VGLL3: variants seen among roughly 807,000 people sequenced by gnomAD.
VGLL3 encodes vestigial like family member 3.
VGLL3 carries 18 observed loss-of-function variants against 29.2 expected under a neutral mutation model. The ratio of observed to expected loss-of-function variants is 0.62; its 90% CI spans 0.43 to 0.91. The LOEUF (loss-of-function observed/expected upper bound fraction) is 0.91, where lower values mean the gene tolerates loss of function less well. Among genes scored for constraint, VGLL3 ranks in the 40% least tolerant of loss-of-function variants. The pLI is 0.00. For missense variants in VGLL3, 440 were observed against 413.2 expected (o/e 1.06, Z -0.56); for synonymous variants, 180 against 151.8 (o/e 1.19, Z -1.36).
chr3:86,962,638 T>C, intron 3 of VGLL3: 4 of 905,432 alleles, frequency 4.4e-6, no homozygotes, highest in Non-Finnish European at 5.3e-6. Flanking sequence ...TAGAAATACA[T>C]AAAATAAAAA....
intron 3 of VGLL3, among the ~76,000 whole-genome samples, chr3:86,967,293 G>A (rs1184532883): frequency 6.6e-6 from 1 of 152,118 alleles, no homozygotes; most frequent in Admixed American, 6.5e-5. Context: ...TGACTCCCAA[G>A]TTGTCTTTAT....
chr3:86,962,216 T>C (rs1704863959), intron 3 of VGLL3: 1 of 985,304 alleles, frequency 1.0e-6, no homozygotes, highest in African/African-American at 1.7e-5. Flanking sequence ...CATACCATAC[T>C]GATCATTTCA....
intron 3 of VGLL3, among the ~76,000 whole-genome samples, chr3:86,959,161 C>A (rs1215400917): frequency 2.0e-5 from 3 of 152,096 alleles, no homozygotes; most frequent in South Asian, 2.1e-4. Flanking sequence ...TTCTATAAAT[C>A]TTTCTTGAAT....
At chr3:86,962,290 A>C (rs1704866129) in intron 3 of VGLL3, 1 of 985,454 alleles carries the variant, frequency 1.0e-6, no homozygotes, top group African/African-American at 1.7e-5. Flanking sequence ...CTCGCATGAC[A>C]GCAAAGCAAC....
intron 3 of VGLL3, among the ~76,000 whole-genome samples, chr3:86,965,129 C>T (rs752468657): frequency 2.0e-5 from 3 of 151,460 alleles, no homozygotes; most frequent in Non-Finnish European, 4.4e-5. Context: ...TGCACTCCAG[C>T]CTGGGCAACA....
At chr3:86,953,587 A>G (rs1486534664) in intron 3 of VGLL3, among the ~76,000 whole-genome samples, 1 of 152,118 alleles carries the variant, frequency 6.6e-6, no homozygotes, top group Non-Finnish European at 1.5e-5. Context: ...TTGTACCCAT[A>G]TTTATATATT....
intron 3 of VGLL3, among the ~76,000 whole-genome samples, chr3:86,966,133 C>A (rs1021331644): frequency 6.6e-6 from 1 of 152,058 alleles, no homozygotes; most frequent in Non-Finnish European, 1.5e-5. Flanking sequence ...CTGCTTGTGC[C>A]TTTTGTAGGG....
intron 3 of VGLL3, among the ~76,000 whole-genome samples, chr3:86,954,462 G>A (rs1462155425): frequency 1.3e-5 from 2 of 152,124 alleles, no homozygotes; most frequent in South Asian, 2.1e-4. Context: ...TGCCTTTAGC[G>A]ACATCCACTT....
intron 3 of VGLL3, among the ~76,000 whole-genome samples, chr3:86,952,989 A>G (rs1286337403): frequency 2.0e-5 from 3 of 152,204 alleles, no homozygotes; most frequent in African/African-American, 7.2e-5. Flanking sequence ...GAATTTCTAA[A>G]TAAGATCTGT....
chr3:86,964,092 G>A (rs1444787243), intron 3 of VGLL3, among the ~76,000 whole-genome samples: 3 of 152,112 alleles, frequency 2.0e-5, no homozygotes, highest in Non-Finnish European at 2.9e-5. Context: ...TTTTTCAGTG[G>A]TTGGAAGAAA....
In VGLL3 at chr3:86,978,595, G is replaced by C; in HGVS notation, c.334C>G (p.Gln112Glu). 2 of 1,614,112 alleles carry C rather than the reference G, an allele frequency of 1.2e-6. No individual in the cohort carries two copies. The highest frequency in any genetic ancestry group is 8.5e-7 in the Non-Finnish European group (1 of 1,180,014). Residue 112 changes from glutamine to glutamate, a missense_variant, in exon 2 of 4, where the codon CAA becomes GAA. Coordinates refer to ENST00000398399, the MANE Select transcript of VGLL3 (RefSeq NM_016206.4). ...VDEHFSRALG[Q>E]AITLHPESAI... ...GATTCTGGATGGAGGGTGATGGCTT[G>C]GCCCAAAGCTCTTGAGAAGTGTTCA... is the stretch of plus-strand genomic sequence containing the variant.
Position 86,938,137 on chromosome 3 carries a change from G to C in VGLL3, c.*8887C>G, listed in dbSNP as rs1704314886. 1 of 152,030 alleles carries C rather than the reference G, an allele frequency of 6.6e-6. No homozygotes were observed. Among genetic ancestry groups the C allele is most frequent in the Non-Finnish European group, 1.5e-5 (1 of 68,014 alleles). 9.4% of individuals were successfully genotyped at this position (152,030 alleles called of 1,614,324 possible). ...TCTTTGACTTAACGATATTTTCCCA[G>C]ACTTACTGAGTTATAATTGACACAT... On this transcript the variant is annotated 3_prime_UTR_variant, in exon 4 of 4. Coordinates refer to ENST00000398399, the MANE Select transcript of VGLL3 (RefSeq NM_016206.4).
intron 1 of VGLL3, among the ~76,000 whole-genome samples, chr3:86,981,507 A>G (rs979062735): frequency 4.6e-5 from 7 of 151,814 alleles, no homozygotes; most frequent in African/African-American, 1.7e-4. Context: ...TATGTAATAT[A>G]TCTATATTTA....
rs79894330 is a variant in VGLL3, at chr3:86,985,282, A to G, written c.126+5336T>C. ...TTTCAGACATGGGTCATCTAGCCCAATTCCTAGGAATTAGTTATGGCACTT... is the reference window on the plus strand; with the variant it reads ...TTTCAGACATGGGTCATCTAGCCCAGTTCCTAGGAATTAGTTATGGCACTT... On this transcript the variant is annotated intron_variant, in intron 1 of 3. Coordinates refer to ENST00000398399, the MANE Select transcript of VGLL3 (RefSeq NM_016206.4). Among the ~76,000 whole-genome samples, 150 of 152,294 alleles carry G rather than the reference A, an allele frequency of 9.8e-4. 2 individuals carry two copies. The East Asian group carries it at 0.027, about 28-fold the overall frequency.
chr3:86,949,528 A>G (rs1704571221), intron 3 of VGLL3, among the ~76,000 whole-genome samples: 1 of 152,146 alleles, frequency 6.6e-6, no homozygotes, highest in South Asian at 2.1e-4. Context: ...AATAAGTTGC[A>G]AAAGAAAAGC....
intron 2 of VGLL3, among the ~76,000 whole-genome samples, chr3:86,978,200 G>A (rs1559731894): frequency 6.6e-6 from 1 of 152,152 alleles, no homozygotes; most frequent in Admixed American, 6.5e-5. Context: ...ATTTAGACAC[G>A]CCTATTATTT....
intron 1 of VGLL3, among the ~76,000 whole-genome samples, chr3:86,980,795 A>G (rs1705310368): frequency 6.6e-6 from 1 of 151,788 alleles, no homozygotes; most frequent in African/African-American, 2.4e-5. Context: ...ATATGCACAC[A>G]CTCTCTGCTG....
At chr3:86,952,773 C>T (rs1023743216) in intron 3 of VGLL3, among the ~76,000 whole-genome samples, 1 of 152,116 alleles carries the variant, frequency 6.6e-6, no homozygotes, top group African/African-American at 2.4e-5. Context: ...TAAATACATA[C>T]AACACTGTGT....
intron 3 of VGLL3, among the ~76,000 whole-genome samples, chr3:86,949,601 C>T (rs1271360009): frequency 6.6e-6 from 1 of 151,526 alleles, no homozygotes; most frequent in East Asian, 2.0e-4. Flanking sequence ...CCGAGGCGGG[C>T]GGATCACGAG....
Sources: gnomAD v4.1 joint callset for allele counts (sites outside exome capture counted in the v4.1 genomes callset) on GRCh38, gnomAD v4.1.1 for gene constraint, MANE v1.5 for transcripts, NCBI Gene and HGNC (gene_info 2026-07-23, HGNC 2026-07-21) for gene names.